The following D2HGDH variants were observed in gnomAD, a reference collection of about 807,000 sequenced individuals.
The protein encoded by D2HGDH is D-2-hydroxyglutarate dehydrogenase.
D2HGDH carries 31 observed loss-of-function variants against 46.9 expected under a neutral mutation model. That is an observed-to-expected ratio of 0.66 (90% CI 0.50 to 0.89). D2HGDH has a LOEUF of 0.89. Ranked by LOEUF, D2HGDH falls within the 40% of genes least tolerant of loss-of-function variation. The probability of loss-of-function intolerance (pLI) is 0.00; values close to 1 mark genes in which losing one functional copy is unlikely to be tolerated. For synonymous variants in D2HGDH, 364 were observed against 332.6 expected (o/e 1.09, Z -1.03); for missense variants, 698 against 720.8 (o/e 0.97, Z 0.36).
intron 8 of D2HGDH, among the ~76,000 whole-genome samples, chr2:241,753,072 G>A (rs377048560): frequency 2.6e-4 from 39 of 152,264 alleles, no homozygotes; most frequent in African/African-American, 7.7e-4. Context: ...GGACAGGGCC[G>A]AATGGGGCTG....
intron 7 of D2HGDH, among the ~76,000 whole-genome samples, chr2:241,750,851 G>A (rs1017964150): frequency 6.6e-6 from 1 of 152,040 alleles, no homozygotes; most frequent in Non-Finnish European, 1.5e-5. Context: ...TCCACCTCCC[G>A]GGTTCAAACA....
At chr2:241,735,559 T>G (rs761898523) in intron 2 of D2HGDH, 43 bp downstream of exon 2, 1 of 1,595,782 alleles carries the variant, frequency 6.3e-7, no homozygotes, top group Non-Finnish European at 8.5e-7. Context: ...GCGTCCCTGC[T>G]CCGCTGCGCC....
rs1699317164 is a variant in D2HGDH at position 241,768,318 on chromosome 2, G to A, written c.*349G>A. ...TTGCCTGCTGCGGCCTGGGGAGCAG[G>A]CGCTGGGTGGTGGTTCTGCCTGCTT... is the stretch of plus-strand genomic sequence containing the variant. On this transcript the variant is annotated 3_prime_UTR_variant, in exon 10 of 10. Coordinates refer to ENST00000321264, the MANE Select transcript of D2HGDH (RefSeq NM_152783.5). 3.6e-6 allele frequency: 1 copy of A among 278,232 alleles called. No individual in the cohort carries two copies. The highest frequency in any genetic ancestry group is 6.8e-6 in the Non-Finnish European group (1 of 146,138). 17.2% of individuals were successfully genotyped at this position (278,232 alleles called of 1,614,324 possible). A position where few individuals can be genotyped will look rare whatever the true frequency, so the allele number is the denominator to read the frequency against.
chr2:241,756,907 G>A (rs1016239114), intron 9 of D2HGDH, among the ~76,000 whole-genome samples: 1 of 152,142 alleles, frequency 6.6e-6, no homozygotes, highest in Non-Finnish European at 1.5e-5. Context: ...TGCTGGGGGT[G>A]TGGAGCATGG....
At chr2:241,758,769 A>ATGTG (rs558559121) in intron 9 of D2HGDH, among the ~76,000 whole-genome samples, 11,234 of 131,776 alleles carry the variant, frequency 0.085, 543 homozygotes, top group South Asian at 0.12. Context: ...CCCACAATAT[A>ATGTG]TGTGTGTGTG....
chr2:241,735,778 T>C (rs1559337891), intron 2 of D2HGDH, among the ~76,000 whole-genome samples: 1 of 152,062 alleles, frequency 6.6e-6, no homozygotes. Context: ...CAGGCTGGAG[T>C]GCAGTCACGG....
At chr2:241,753,662 C>T (rs922075393) in intron 8 of D2HGDH, among the ~76,000 whole-genome samples, 5 of 152,240 alleles carry the variant, frequency 3.3e-5, no homozygotes, top group South Asian at 4.1e-4. Flanking sequence ...TCAGCCCACC[C>T]GAGTGGAAGC....
chr2:241,755,002 G>A (rs1697929160), intron 8 of D2HGDH: 1 of 1,262,192 alleles, frequency 7.9e-7, no homozygotes, highest in South Asian at 1.3e-5. Flanking sequence ...AGGTGGTCCT[G>A]CAGCCCACAG....
chr2:241,751,224 T>G, intron 7 of D2HGDH, 22 bp from the exon 8 acceptor site: 1 of 1,613,878 alleles, frequency 6.2e-7, no homozygotes, highest in Non-Finnish European at 8.5e-7. Flanking sequence ...CTGCTCACTC[T>G]GCCTTCCTTG....
intron 9 of D2HGDH, among the ~76,000 whole-genome samples, chr2:241,759,732 GTTCT>G (rs1269361121): frequency 1.3e-5 from 2 of 152,132 alleles, no homozygotes; most frequent in Non-Finnish European, 2.9e-5. Flanking sequence ...TCTGGTTTAT[GTTCT>G]TTGTCATTTA....
Position 241,767,807 on chromosome 2 carries a change from G to A in D2HGDH, c.1404G>A (p.Gln468=). 6.2e-7 allele frequency: 1 copy of A among 1,612,242 alleles called. No individual in the cohort carries two copies. The highest frequency in any genetic ancestry group is 8.5e-7 in the Non-Finnish European group (1 of 1,179,434). Residue 468 remains glutamine, a synonymous_variant, in exon 10 of 10, where the codon CAG becomes CAA. Coordinates refer to ENST00000321264, the MANE Select transcript of D2HGDH (RefSeq NM_152783.5). ...EPHVYEWTAG[Q]QGSVSAEHGV... ...ACGTGTACGAGTGGACGGCCGGGCAGCAGGGCAGCGTCAGCGCGGAGCACG... is the reference window on the plus strand; with the variant it reads ...ACGTGTACGAGTGGACGGCCGGGCAACAGGGCAGCGTCAGCGCGGAGCACG...
rs1428858182 is a variant in D2HGDH at position 241,742,300 on chromosome 2, G to C, written c.351-135G>C. 2 of 1,199,006 alleles carry C rather than the reference G, an allele frequency of 1.7e-6. No homozygotes were observed. Among genetic ancestry groups the C allele is most frequent in the African/African-American group, 3.1e-5 (2 of 65,338 alleles). 74.3% of individuals were successfully genotyped at this position (1,199,006 alleles called of 1,614,324 possible). On this transcript the variant is annotated intron_variant, in intron 3 of 9. Transcript: ENST00000321264. The surrounding 1 kb of genome is among the most constrained non-coding windows in gnomAD (Gnocchi z 4.8). ...TCCCTCACATGCGTGGGCTGGGGAG[G>C]AGCCCCCGCTGAGGCTGCAGGCAGG...
intron 9 of D2HGDH, among the ~76,000 whole-genome samples, chr2:241,760,107 A>G (rs911373154): frequency 3.8e-5 from 5 of 130,906 alleles, no homozygotes; most frequent in African/African-American, 6.5e-5. Context: ...GCCTTACCCA[A>G]TCAGTCGAAG....
chr2:241,749,267 G>A, intron 6 of D2HGDH: 1 of 1,271,744 alleles, frequency 7.9e-7, no homozygotes, highest in Non-Finnish European at 1.0e-6. Context: ...CGGGTCACAG[G>A]CCTTGAGGTG....
intron 1 of D2HGDH, 65 bp from the exon 2 acceptor site, chr2:241,735,068 T>A (rs1042873775): frequency 1.2e-5 from 10 of 835,440 alleles, no homozygotes; most frequent in Non-Finnish European, 1.7e-5. Flanking sequence ...CCTCCCTGCT[T>A]CTGCAAGCGT....
At chr2:241,736,849 C>T (rs766198275) in intron 2 of D2HGDH, among the ~76,000 whole-genome samples, 6 of 150,958 alleles carry the variant, frequency 4.0e-5, no homozygotes, top group Non-Finnish European at 7.4e-5. Context: ...TTAGTAGAGA[C>T]GGGGTTTCAC....
chr2:241,754,460 A>G (rs1453504419), intron 8 of D2HGDH: 1 of 152,170 alleles, frequency 6.6e-6, no homozygotes, highest in East Asian at 1.9e-4. Flanking sequence ...CCTGGGCAAC[A>G]TCGGGAGACT....
intron 9 of D2HGDH, among the ~76,000 whole-genome samples, chr2:241,761,707 C>T (rs1011319412): frequency 1.3e-5 from 2 of 152,136 alleles, no homozygotes; most frequent in African/African-American, 4.8e-5. Flanking sequence ...TATTCTGGTT[C>T]TGCCTTGTTC....
Position 241,735,383 on chromosome 2 carries a change from C to A in D2HGDH, c.159C>A (p.Pro53=). Reference sequence around the variant, plus strand: ...TGCCGCTGACCCGGGAGCGCTACCCCGTGCGGCGCTTGCCGTTCTCCACGG... The same window carrying A: ...TGCCGCTGACCCGGGAGCGCTACCCAGTGCGGCGCTTGCCGTTCTCCACGG... The part of the protein sequence containing the change: ...PEVPLTRERY[P]VRRLPFSTVS... Residue 53 remains proline (P), a synonymous_variant, in exon 2 of 10, where the codon CCC becomes CCA. Transcript: ENST00000321264. 1 of 1,587,876 alleles carries A rather than the reference C, an allele frequency of 6.3e-7. No homozygotes were observed. Among genetic ancestry groups the A allele is most frequent in the South Asian group, 1.1e-5 (1 of 88,140 alleles).
Sources: allele counts gnomAD v4.1 joint callset (sites outside exome capture counted in the v4.1 genomes callset), GRCh38; gene constraint gnomAD v4.1.1; non-coding constraint Gnocchi (gnomAD v3.1); transcripts MANE v1.5; gene names NCBI Gene and HGNC (gene_info 2026-07-23, HGNC 2026-07-21).